The following NCOA3 variants were observed in gnomAD, a reference collection of about 807,000 sequenced individuals.
The protein encoded by NCOA3 is CBP-interacting protein.
Under a neutral mutation model 158.8 loss-of-function variants are expected in NCOA3, and 51 were observed. The ratio of observed to expected loss-of-function variants is 0.32; its 90% CI spans 0.26 to 0.41. NCOA3 has a LOEUF of 0.41. Ranked by LOEUF, NCOA3 falls within the 10% of genes least tolerant of loss-of-function variation. The pLI is 1.00. For synonymous variants in NCOA3, 537 were observed against 592.4 expected (o/e 0.91, Z 1.36); for missense variants, 1,510 against 1,746.6 (o/e 0.86, Z 2.41).
intron 1 of NCOA3, among the ~76,000 whole-genome samples, chr20:47,528,618 C>T (rs368570605): frequency 3.3e-5 from 5 of 151,952 alleles, no homozygotes; most frequent in South Asian, 2.1e-4. Flanking sequence ...TCTTTCTATG[C>T]GTAACTGTTC....
intron 1 of NCOA3, among the ~76,000 whole-genome samples, chr20:47,511,550 T>TATATACATATATATATACAC (rs1556556371): frequency 1.9e-5 from 1 of 52,270 alleles, no homozygotes; most frequent in African/African-American, 5.4e-5. Context: ...TATATATATA[T>TATATACATATATATATACAC]ATATATTTCT....
At position 47,530,378 on chromosome 20, in the gene NCOA3, G is replaced by A. The variant is rs552977048; in HGVS notation, c.-99+28359G>A. Reference sequence around the variant, plus strand: ...TTAAAGTTTTAAAAGGATTTGTATAGAGGAGAAAATTGAGACAAAGTTTTA... The same window carrying A: ...TTAAAGTTTTAAAAGGATTTGTATAAAGGAGAAAATTGAGACAAAGTTTTA... On this transcript the variant is annotated intron_variant, in intron 1 of 22. Transcript: ENST00000371998. Among the ~76,000 whole-genome samples, 10 of 151,996 alleles carry A rather than the reference G, an allele frequency of 6.6e-5. 1 individual carries two copies. In the East Asian group the frequency reaches 1.7e-3, roughly 26 times the overall value.
chr20:47,521,439 G>T (rs2084332057), intron 1 of NCOA3, among the ~76,000 whole-genome samples: 1 of 152,172 alleles, frequency 6.6e-6, no homozygotes, highest in Non-Finnish European at 1.5e-5. Flanking sequence ...GACAAGGGAG[G>T]AGAAGGGGTT....
intron 16 of NCOA3, among the ~76,000 whole-genome samples, chr20:47,640,252 G>A (rs1453764086): frequency 1.3e-5 from 2 of 152,226 alleles, no homozygotes; most frequent in African/African-American, 4.8e-5. Flanking sequence ...TCACAGGAGA[G>A]GGAGGAGATA....
intron 1 of NCOA3, among the ~76,000 whole-genome samples, chr20:47,553,571 C>T (rs1316074183): frequency 1.4e-5 from 2 of 142,560 alleles, no homozygotes; most frequent in Admixed American, 7.1e-5. Context: ...ACAACAGTCC[C>T]CGGTGTGTGA....
chr20:47,537,481 A>G (rs1001176161), intron 1 of NCOA3, among the ~76,000 whole-genome samples: 3 of 151,792 alleles, frequency 2.0e-5, no homozygotes, highest in Non-Finnish European at 4.4e-5. Context: ...GAGCCATTGC[A>G]CCTGTTCTAT....
At chr20:47,649,230 G>C (rs549842106) in intron 19 of NCOA3, 121 bp downstream of exon 19, 1 of 567,150 alleles carries the variant, frequency 1.8e-6, no homozygotes, top group South Asian at 2.8e-5. Context: ...TCTTGTGTAA[G>C]AAAGCAGTCG....
Position 47,649,059 on chromosome 20 carries a change from G to T in NCOA3, c.3601G>T (p.Gly1201Cys). The T allele has an allele frequency of 6.2e-7, 1 of 1,614,062 alleles. No homozygotes were observed. The highest frequency in any genetic ancestry group is 2.2e-5 in the East Asian group (1 of 44,874). ...LELKMENPTA[G>C]GAAVMRPMMQ... ...ATTGAAAATGGAAAACCCTACTGCT[G>T]GTGGTGCTGCGGTGATGAGGCCTAT... The change falls in exon 19 of 23, where the codon GGT (glycine) becomes TGT (cysteine). Residue 1201 changes from glycine to cysteine, a missense_variant. This residue lies in a region of NCOA3 where 1,017 missense variants were observed against 1,098.3 expected (regional missense o/e 0.93). Transcript: ENST00000371998.
At chr20:47,642,436 G>A (rs149106352) in intron 17 of NCOA3, 52 bp downstream of exon 17, 223 of 1,313,888 alleles carry the variant, frequency 1.7e-4, no homozygotes, top group African/African-American at 2.4e-4. Flanking sequence ...GTGTGTGCGC[G>A]CGTACACATT....
rs911168885 is a variant in NCOA3 at position 47,502,000 on chromosome 20, G to A, written c.-118G>A. ...AGTTTCCGATTTAAAGCTGAGCTGC[G>A]AGGAAAATGGCGGCGGGAGGTGAGT... On this transcript the variant is annotated 5_prime_UTR_variant, in exon 1 of 23. Coordinates refer to ENST00000371998, the MANE Select transcript of NCOA3 (RefSeq NM_181659.3). 2.3e-4 allele frequency: 91 copies of A among 399,292 alleles called. No homozygotes were observed. Among genetic ancestry groups the A allele is most frequent in the African/African-American group, 1.7e-3 (84 of 48,718 alleles). The allele number at this position is 399,292 out of a possible 1,614,324, so 24.7% of individuals were successfully genotyped here. A position where few individuals can be genotyped will look rare whatever the true frequency, so the allele number is the denominator to read the frequency against.
intron 2 of NCOA3, among the ~76,000 whole-genome samples, chr20:47,603,197 T>C (rs1028678225): frequency 2.0e-5 from 3 of 152,258 alleles, no homozygotes; most frequent in African/African-American, 7.2e-5. Context: ...AATTTAGTAT[T>C]TCTCAAGAGA....
intron 16 of NCOA3, 71 bp from the exon 17 acceptor site, chr20:47,642,142 T>C (rs2086621384): frequency 8.8e-7 from 1 of 1,131,040 alleles, no homozygotes. Flanking sequence ...ATACTATGCA[T>C]GGTTGCTGTG....
chr20:47,587,168 C>T (rs2085548905), intron 2 of NCOA3, among the ~76,000 whole-genome samples: 1 of 152,104 alleles, frequency 6.6e-6, no homozygotes, highest in South Asian at 2.1e-4. Context: ...ATCAATAGCC[C>T]TATGTATTGG....
chr20:47,548,452 G>A (rs1267100371), intron 1 of NCOA3, among the ~76,000 whole-genome samples: 5 of 151,988 alleles, frequency 3.3e-5, no homozygotes, highest in African/African-American at 1.2e-4. Context: ...GCTGAGGCAG[G>A]AGAATCACTT....
intron 2 of NCOA3, among the ~76,000 whole-genome samples, chr20:47,597,775 C>T (rs2085785887): frequency 6.6e-6 from 1 of 151,394 alleles, no homozygotes; most frequent in Non-Finnish European, 1.5e-5. Flanking sequence ...AGGTGTGAGC[C>T]ACCGCACCTG....
chr20:47,518,370 A>G (rs114499491), intron 1 of NCOA3, among the ~76,000 whole-genome samples: 3,638 of 150,538 alleles, frequency 0.024, 178 homozygotes, highest in African/African-American at 0.084. Context: ...AAATTGGGGG[A>G]AAAAAAAAGA....
chr20:47,517,285 A>T (rs1425936772), intron 1 of NCOA3, among the ~76,000 whole-genome samples: 4 of 152,160 alleles, frequency 2.6e-5, no homozygotes, highest in Non-Finnish European at 5.9e-5. Flanking sequence ...AGAGATGAGA[A>T]AGAGAAGAAA....
intron 1 of NCOA3, among the ~76,000 whole-genome samples, chr20:47,567,833 AG>A (rs1368043070): frequency 6.6e-6 from 1 of 152,046 alleles, no homozygotes; most frequent in Admixed American, 6.6e-5. Context: ...GGCCTCCCAA[AG>A]TGCTGGGATT....
At chr20:47,634,257 T>C in intron 10 of NCOA3, 62 bp downstream of exon 10, 1 of 1,500,720 alleles carries the variant, frequency 6.7e-7, no homozygotes, top group Non-Finnish European at 9.0e-7. Context: ...AATGCTTTAT[T>C]ATTAAAGTAA....
Sources: gnomAD v4.1 joint callset for allele counts (sites outside exome capture counted in the v4.1 genomes callset) on GRCh38, gnomAD v4.1.1 for gene constraint, gnomAD v4.1.1 regional missense constraint, MANE v1.5 for transcripts, NCBI Gene and HGNC (gene_info 2026-07-23, HGNC 2026-07-21) for gene names.